EFCAB14: variants seen among roughly 807,000 people sequenced by gnomAD.
The protein encoded by EFCAB14 is EF-hand calcium-binding domain-containing protein 14.
In EFCAB14, 43 loss-of-function variants were observed where a neutral mutation model predicts 56.5. That is an observed-to-expected ratio of 0.76 (90% CI 0.60 to 0.98). The LOEUF (loss-of-function observed/expected upper bound fraction) is 0.98. Ranked by LOEUF, EFCAB14 falls within the 50% of genes least tolerant of loss-of-function variation. EFCAB14 has a pLI of 0.00. For synonymous variants in EFCAB14, 235 were observed against 212.9 expected (o/e 1.10, Z -0.90); for missense variants, 538 against 580.3 (o/e 0.93, Z 0.75).
intron 3 of EFCAB14, among the ~76,000 whole-genome samples, chr1:46,698,686 A>C (rs906766263): frequency 6.6e-6 from 1 of 152,174 alleles, no homozygotes; most frequent in African/African-American, 2.4e-5. Context: ...AGAGAACAGA[A>C]GTTTAGGTGG....
chr1:46,687,763 G>C (rs146323606), intron 7 of EFCAB14, among the ~76,000 whole-genome samples: 1 of 152,212 alleles, frequency 6.6e-6, no homozygotes, highest in Admixed American at 6.5e-5. Context: ...GTGCACAGTC[G>C]GCCAGCATCA....
At chr1:46,705,588 G>A (rs376904011) in intron 3 of EFCAB14, among the ~76,000 whole-genome samples, 2 of 152,272 alleles carry the variant, frequency 1.3e-5, no homozygotes, top group East Asian at 1.9e-4. Context: ...CCCAGTCTGA[G>A]TGTGAGCGTG....
At chr1:46,697,264 TACTCACTG>T (rs900821862) in intron 3 of EFCAB14, among the ~76,000 whole-genome samples, 4 of 152,200 alleles carry the variant, frequency 2.6e-5, no homozygotes, top group African/African-American at 7.2e-5. Context: ...GCTCAATAAA[TACTCACTG>T]ACTCACTGAC....
At chr1:46,717,410 C>A (rs1304495560) in intron 1 of EFCAB14, among the ~76,000 whole-genome samples, 2 of 152,142 alleles carry the variant, frequency 1.3e-5, no homozygotes, top group Admixed American at 1.3e-4. Flanking sequence ...GAAAATGATG[C>A]CTCTTCTTTT....
chr1:46,710,314 C>T (rs896311863), intron 2 of EFCAB14, among the ~76,000 whole-genome samples: 4 of 152,176 alleles, frequency 2.6e-5, no homozygotes, highest in African/African-American at 4.8e-5. Flanking sequence ...TCCATCATCT[C>T]AAACATTTAT....
chr1:46,681,683 T>C (rs1676798093), intron 10 of EFCAB14, among the ~76,000 whole-genome samples: 30 of 152,130 alleles, frequency 2.0e-4, no homozygotes. Flanking sequence ...TTCTTTTTTT[T>C]TGTGGCATGA....
At chr1:46,709,373 CTTT>C (rs1337885659) in intron 2 of EFCAB14, among the ~76,000 whole-genome samples, 1 of 124,750 alleles carries the variant, frequency 8.0e-6, no homozygotes, top group Non-Finnish European at 1.5e-5. Context: ...CTTGTCTCTT[CTTT>C]ATTTCTACCA....
intron 7 of EFCAB14, among the ~76,000 whole-genome samples, chr1:46,687,505 T>C (rs374456580): frequency 2.0e-5 from 3 of 152,242 alleles, no homozygotes; most frequent in Admixed American, 6.5e-5. Flanking sequence ...CCAGTTCAAA[T>C]GCTGCTTTCC....
chr1:46,704,561 G>C (rs553390184), intron 3 of EFCAB14, among the ~76,000 whole-genome samples: 1 of 151,114 alleles, frequency 6.6e-6, no homozygotes, highest in African/African-American at 2.4e-5. Context: ...AAAGTGCCAT[G>C]TATGAAATAA....
chr1:46,702,710 T>C (rs1413060046), intron 3 of EFCAB14, among the ~76,000 whole-genome samples: 2 of 152,106 alleles, frequency 1.3e-5, no homozygotes, highest in Non-Finnish European at 2.9e-5. Context: ...CATCGTTTTC[T>C]TTATCATCAT....
rs1289644230 is a variant in EFCAB14 at position 46,677,915 on chromosome 1, A to C, written c.*546T>G. On this transcript the variant is annotated 3_prime_UTR_variant, in exon 11 of 11. Transcript: ENST00000371933. Reference sequence around the variant, plus strand: ...GGATGTAGTTTCAGCTGCCACCTACACCAGATCAGCAATTTTTAATAAGTC... The same window carrying C: ...GGATGTAGTTTCAGCTGCCACCTACCCCAGATCAGCAATTTTTAATAAGTC... The C allele has an allele frequency of 6.5e-6, 1 of 152,786 alleles. No homozygotes were observed. Among genetic ancestry groups the C allele is most frequent in the Non-Finnish European group, 1.5e-5 (1 of 68,192 alleles). The allele number at this position is 152,786 out of a possible 1,614,324, so 9.5% of individuals were successfully genotyped here. A position where few individuals can be genotyped will look rare whatever the true frequency, so the allele number is the denominator to read the frequency against.
intron 9 of EFCAB14, 89 bp downstream of exon 9, chr1:46,684,402 G>A: frequency 1.3e-5 from 14 of 1,048,088 alleles, no homozygotes; most frequent in Non-Finnish European, 2.1e-5. Flanking sequence ...GGTGCGATCA[G>A]TACTGCTGGA....
At position 46,718,999 on chromosome 1, in the gene EFCAB14, C is replaced by G. The variant is rs1361313131; in HGVS notation, c.-912G>C. The G allele has an allele frequency of 1.3e-5, 2 of 154,364 alleles. No individual in the cohort carries two copies. Among genetic ancestry groups the G allele is most frequent in the East Asian group, 3.8e-4 (2 of 5,222 alleles). The allele number at this position is 154,364 out of a possible 1,614,324, so 9.6% of individuals were successfully genotyped here. A position where few individuals can be genotyped will look rare whatever the true frequency, so the allele number is the denominator to read the frequency against. ...TCCAGCCGCGACTCCGGCCCCTGCTCCGGCTTCGGCCGCGGCTGCTCCCGA... is the reference window on the plus strand; with the variant it reads ...TCCAGCCGCGACTCCGGCCCCTGCTGCGGCTTCGGCCGCGGCTGCTCCCGA... On this transcript the variant is annotated 5_prime_UTR_variant, in exon 1 of 11. Coordinates refer to ENST00000371933, the MANE Select transcript of EFCAB14 (RefSeq NM_014774.3).
chr1:46,718,314 G>A lies in EFCAB14; in HGVS notation c.-227C>T. ...TGGGTGGGGGAAATCACATAGAAAT[G>A]GCCAAGGAGCTGGTGACCCCAAAGG... On this transcript the variant is annotated 5_prime_UTR_variant, in exon 1 of 11. Transcript: ENST00000371933. 2.0e-6 allele frequency: 1 copy of A among 493,794 alleles called. No individual in the cohort carries two copies. Among genetic ancestry groups the A allele is most frequent in the Non-Finnish European group, 3.6e-6 (1 of 274,242 alleles). The allele number at this position is 493,794 out of a possible 1,614,324, so 30.6% of individuals were successfully genotyped here.
At chr1:46,717,225 G>A (rs1374075049) in intron 1 of EFCAB14, among the ~76,000 whole-genome samples, 1 of 152,158 alleles carries the variant, frequency 6.6e-6, no homozygotes, top group Non-Finnish European at 1.5e-5. Context: ...CTTCTGCCTA[G>A]CCATTGTTTC....
intron 2 of EFCAB14, among the ~76,000 whole-genome samples, chr1:46,713,244 C>T (rs760404121): frequency 6.6e-6 from 1 of 152,092 alleles, no homozygotes; most frequent in Non-Finnish European, 1.5e-5. Flanking sequence ...GAAGACATTG[C>T]AGGTGCTGGC....
Position 46,686,784 on chromosome 1 carries a change from C to T in EFCAB14, c.1074G>A (p.Lys358=), listed in dbSNP as rs1278859143. 6 of 1,613,520 alleles carry T rather than the reference C, an allele frequency of 3.7e-6. No homozygotes were observed. The highest frequency in any genetic ancestry group is 5.1e-6 in the Non-Finnish European group (6 of 1,179,708). The change falls in exon 8 of 11, where the codon AAG becomes AAA. Residue 358 remains lysine, a splice_region_variant and synonymous_variant. Coordinates refer to ENST00000371933, the MANE Select transcript of EFCAB14 (RefSeq NM_014774.3). ...RTDTVKIQSI[K]KEDSSNSQVS... is the part of the protein sequence containing the mutation. ...TCAGGGTAAGCCTCCCATTATTTAC[C>T]TTTATGCTTTGGATTTTTACTGTAT...
intron 3 of EFCAB14, among the ~76,000 whole-genome samples, chr1:46,700,410 T>C (rs1029690004): frequency 2.0e-5 from 3 of 152,194 alleles, no homozygotes; most frequent in Admixed American, 6.5e-5. Flanking sequence ...AAAAACAAGA[T>C]GGGTGAGAAA....
At chr1:46,706,569 T>G (rs938525938) in intron 3 of EFCAB14, among the ~76,000 whole-genome samples, 1 of 152,198 alleles carries the variant, frequency 6.6e-6, no homozygotes, top group Non-Finnish European at 1.5e-5. Context: ...CTATATGGAA[T>G]CCCCAGTTTG....
Sources: allele counts gnomAD v4.1 joint callset (sites outside exome capture counted in the v4.1 genomes callset), GRCh38; gene constraint gnomAD v4.1.1; transcripts MANE v1.5; gene names NCBI Gene and HGNC (gene_info 2026-07-23, HGNC 2026-07-21).